Variants in RXFP1 observed in about 807,000 individuals in gnomAD.
The protein encoded by RXFP1 is relaxin family peptide receptor 1, also known as relaxin receptor 1.
RXFP1 carries 73 observed loss-of-function variants against 89.8 expected under a neutral mutation model. The ratio of observed to expected loss-of-function variants is 0.81; its 90% CI spans 0.67 to 0.99. RXFP1 has a LOEUF of 0.99. Ranked by LOEUF, RXFP1 falls within the 50% of genes least tolerant of loss-of-function variation. The probability of loss-of-function intolerance (pLI) is 0.00; values close to 1 mark genes in which losing one functional copy is unlikely to be tolerated. For synonymous variants in RXFP1, 277 were observed against 305.5 expected (o/e 0.91, Z 0.97); for missense variants, 793 against 895.5 (o/e 0.89, Z 1.46).
chr4:158,572,623 C>T lies in RXFP1; in HGVS notation c.50-75C>T. ...AGAAAGACAAATGATTATAAAATAT[C>T]AGGGAGAAACTGCTCTTTGCCACGC... On this transcript the variant is annotated intron_variant, in intron 1 of 17. Transcript: ENST00000307765. The T allele has an allele frequency of 2.4e-6, 3 of 1,266,860 alleles. No individual in the cohort carries two copies. In the South Asian group the frequency reaches 3.7e-5, roughly 16 times the overall value. The allele number at this position is 1,266,860 out of a possible 1,614,324, so 78.5% of individuals were successfully genotyped here.
intron 9 of RXFP1, among the ~76,000 whole-genome samples, chr4:158,623,502 C>CAAAAAAAAAAAAAAAAAAAAA (rs56692438): frequency 2.8e-4 from 12 of 42,634 alleles, no homozygotes; most frequent in African/African-American, 3.5e-4. Context: ...AACTCCATCT[C>CAAAAAAAAAAAAAAAAAAAAA]AAAAAAAAAA....
chr4:158,545,603 A>G (rs1368143778), intron 1 of RXFP1, among the ~76,000 whole-genome samples: 9 of 152,262 alleles, frequency 5.9e-5, no homozygotes, highest in African/African-American at 2.2e-4. Flanking sequence ...TAAGTCTTTA[A>G]TTCATCTTGA....
chr4:158,603,717 C>CCAT (rs957935503), intron 4 of RXFP1, among the ~76,000 whole-genome samples: 27 of 151,766 alleles, frequency 1.8e-4, no homozygotes, highest in African/African-American at 5.1e-4. Flanking sequence ...TGGTGAAACC[C>CCAT]CATCTGTACT....
chr4:158,599,298 C>G (rs1358385398), intron 3 of RXFP1, 28 bp from the exon 4 acceptor site: 1 of 1,613,628 alleles, frequency 6.2e-7, no homozygotes, highest in Non-Finnish European at 8.5e-7. Context: ...TCACTGTCAT[C>G]ATGCCTTACC....
intron 1 of RXFP1, among the ~76,000 whole-genome samples, chr4:158,568,158 AAACTCCAAAC>A (rs2149977889): frequency 6.6e-6 from 1 of 152,322 alleles, no homozygotes; most frequent in South Asian, 2.1e-4. Flanking sequence ...CAGAAGGAAG[AAACTCCAAAC>A]AAATCCGAAC....
chr4:158,572,856 C>A (rs140878326), intron 2 of RXFP1, 21 bp downstream of exon 2: 3 of 1,612,938 alleles, frequency 1.9e-6, no homozygotes, highest in African/African-American at 2.7e-5. Context: ...CCCCTGCAGT[C>A]ACGGTGAGAG....
At chr4:158,580,085 A>G (rs1460265753) in intron 2 of RXFP1, among the ~76,000 whole-genome samples, 1 of 152,168 alleles carries the variant, frequency 6.6e-6, no homozygotes, top group Non-Finnish European at 1.5e-5. Context: ...CAGAGCCTTT[A>G]TTGGGGTTTC....
chr4:158,550,451 C>T (rs13136957), intron 1 of RXFP1, among the ~76,000 whole-genome samples: 105,871 of 152,152 alleles, frequency 0.7, 42,250 homozygotes, highest in East Asian at 0.98. Flanking sequence ...TGCGCTGCAC[C>T]CAGTGACCTG....
At chr4:158,540,758 G>T (rs1014936325) in intron 1 of RXFP1, among the ~76,000 whole-genome samples, 11 of 151,984 alleles carry the variant, frequency 7.2e-5, no homozygotes, top group African/African-American at 2.4e-4. Context: ...GACCCTCCCT[G>T]CCCCGCAGCA....
chr4:158,625,822 T>C (rs763192640), intron 9 of RXFP1, among the ~76,000 whole-genome samples: 6 of 152,096 alleles, frequency 3.9e-5, no homozygotes, highest in Non-Finnish European at 8.8e-5. Flanking sequence ...TGTTACATGG[T>C]GACCAGTAAG....
chr4:158,591,245 T>C (rs1759401758), intron 2 of RXFP1, among the ~76,000 whole-genome samples: 1 of 152,166 alleles, frequency 6.6e-6, no homozygotes, highest in Non-Finnish European at 1.5e-5. Flanking sequence ...GCCACCACAG[T>C]CTCAGGAAGT....
intron 1 of RXFP1, among the ~76,000 whole-genome samples, chr4:158,570,273 T>C (rs1317437040): frequency 6.6e-6 from 1 of 151,506 alleles, no homozygotes; most frequent in Non-Finnish European, 1.5e-5. Flanking sequence ...GGAGAAGGAG[T>C]TCCAGGAATC....
Position 158,628,668 on chromosome 4 carries a change from A to C in RXFP1, c.858A>C (p.Leu286Phe), listed in dbSNP as rs916710073. 4.8e-5 allele frequency: 76 copies of C among 1,575,616 alleles called. No homozygotes were observed. The highest frequency in any genetic ancestry group is 6.4e-5 in the Non-Finnish European group (73 of 1,147,724). The change falls in exon 11 of 18, where the codon TTA becomes TTC. Residue 286 changes from leucine (L) to phenylalanine (F), a missense_variant. By Grantham distance (22) the Leu-to-Phe change is conservative. Transcript: ENST00000307765. ...LVMRKNKINH[L>F]NENTFAPLQK... ...TGAGGAAAAACAAAATTAATCACTTAAATGAAAATACTTTTGCACCTCTCC... is the reference window on the plus strand; with the variant it reads ...TGAGGAAAAACAAAATTAATCACTTCAATGAAAATACTTTTGCACCTCTCC...
At chr4:158,617,558 GT>G (rs886914833) in intron 9 of RXFP1, among the ~76,000 whole-genome samples, 1 of 151,794 alleles carries the variant, frequency 6.6e-6, no homozygotes, top group Non-Finnish European at 1.5e-5. Context: ...AGACTAAGTT[GT>G]TTTAATTTCA....
At chr4:158,573,020 T>TG (rs1272613424) in intron 2 of RXFP1, 185 bp downstream of exon 2, 13 of 988,518 alleles carry the variant, frequency 1.3e-5, no homozygotes, top group Non-Finnish European at 1.8e-5. Flanking sequence ...TTGTTTTTGT[T>TG]TTTTTTTGAG....
At chr4:158,549,889 T>C (rs1015359975) in intron 1 of RXFP1, among the ~76,000 whole-genome samples, 7 of 152,234 alleles carry the variant, frequency 4.6e-5, no homozygotes, top group Admixed American at 1.3e-4. Context: ...GTTAGGCTGC[T>C]TGGGGGTCAG....
Position 158,593,407 on chromosome 4 carries a change from A to G in RXFP1, c.194A>G (p.Asn65Ser). 6.2e-7 allele frequency: 1 copy of G among 1,606,528 alleles called. No individual in the cohort carries two copies. The highest frequency in any genetic ancestry group is 2.2e-5 in the East Asian group (1 of 44,732). Reference sequence around the variant, plus strand: ...TCTCTGATTTTTATTTTAGGAGACAACAATGGATGGTCTCTGCAATTTGAC... The same window carrying G: ...TCTCTGATTTTTATTTTAGGAGACAGCAATGGATGGTCTCTGCAATTTGAC... ...NQADEDNCGDNNGWSLQFDKY... is the reference protein window; with the variant it reads ...NQADEDNCGDSNGWSLQFDKY... Residue 65 changes from asparagine (N) to serine (S), a missense_variant, in exon 3 of 18, where the codon AAC becomes AGC. Coordinates refer to ENST00000307765, the MANE Select transcript of RXFP1 (RefSeq NM_021634.4).
At chr4:158,604,977 CTAAAG>C in intron 4 of RXFP1, 86 bp from the exon 5 acceptor site, 2 of 652,132 alleles carry the variant, frequency 3.1e-6, no homozygotes, top group Non-Finnish European at 5.3e-6. Flanking sequence ...AAAGCTAGTA[CTAAAG>C]TAAATAGTTT....
intron 12 of RXFP1, among the ~76,000 whole-genome samples, chr4:158,636,617 CTCTT>C (rs1359558094): frequency 2.6e-5 from 4 of 152,178 alleles, no homozygotes; most frequent in Non-Finnish European, 4.4e-5. Context: ...CTATTGCTAT[CTCTT>C]TATTTCACTG....
Sources: gnomAD v4.1 joint callset for allele counts (sites outside exome capture counted in the v4.1 genomes callset) on GRCh38, gnomAD v4.1.1 for gene constraint, MANE v1.5 for transcripts, NCBI Gene and HGNC (gene_info 2026-07-23, HGNC 2026-07-21) for gene names.